The following RAD51B variants were observed in gnomAD, a reference collection of about 807,000 sequenced individuals.
The protein encoded by RAD51B is DNA repair protein RAD51 homolog 2.
A neutral mutation model predicts 42.2 loss-of-function variants in RAD51B; 38 were observed. The ratio of observed to expected loss-of-function variants is 0.90; its 90% CI spans 0.70 to 1.18. The LOEUF (loss-of-function observed/expected upper bound fraction) is 1.18. Ranked by LOEUF, RAD51B falls within the 50% of genes most tolerant of loss-of-function variation. RAD51B has a pLI of 0.00. For synonymous variants in RAD51B, 154 were observed against 145.2 expected (o/e 1.06, Z -0.43); for missense variants, 373 against 400.7 (o/e 0.93, Z 0.59).
At chr14:68,208,000 T>C (rs1267828539) in intron 7 of RAD51B, among the ~76,000 whole-genome samples, 1 of 152,228 alleles carries the variant, frequency 6.6e-6, no homozygotes, top group Non-Finnish European at 1.5e-5. Flanking sequence ...AAGCAAGTTA[T>C]ACTGTGTGTA....
At chr14:68,399,206 C>G (rs866543248) in intron 8 of RAD51B, among the ~76,000 whole-genome samples, 2 of 151,568 alleles carry the variant, frequency 1.3e-5, no homozygotes, top group South Asian at 4.2e-4. Context: ...CAGAAAAGTT[C>G]CAAGAAAAGT....
At chr14:68,402,290 G>T (rs1217799308) in intron 8 of RAD51B, among the ~76,000 whole-genome samples, 1 of 152,118 alleles carries the variant, frequency 6.6e-6, no homozygotes, top group Non-Finnish European at 1.5e-5. Context: ...CTAAAATTCT[G>T]CATTGAATGG....
At chr14:68,580,279 G>T (rs928001600) in intron 10 of RAD51B, among the ~76,000 whole-genome samples, 7 of 152,180 alleles carry the variant, frequency 4.6e-5, no homozygotes, top group African/African-American at 1.7e-4. Context: ...TTCGCCTCCT[G>T]CTTGCCCTGC....
At chr14:67,960,451 T>A (rs936271309) in intron 7 of RAD51B, among the ~76,000 whole-genome samples, 5 of 152,196 alleles carry the variant, frequency 3.3e-5, no homozygotes, top group African/African-American at 1.2e-4. Context: ...GAGCCTATAG[T>A]TTTTATCTTT....
chr14:68,106,964 G>T (rs1382964750), intron 7 of RAD51B, among the ~76,000 whole-genome samples: 1 of 151,814 alleles, frequency 6.6e-6, no homozygotes, highest in Non-Finnish European at 1.5e-5. Flanking sequence ...TGAGAAAACT[G>T]AGGCTACAGA....
intron 7 of RAD51B, among the ~76,000 whole-genome samples, chr14:68,224,524 A>G (rs779572101): frequency 1.1e-4 from 17 of 152,152 alleles, no homozygotes; most frequent in Non-Finnish European, 2.1e-4. Context: ...TCGGGTTCAT[A>G]TTATTATGAT....
intron 7 of RAD51B, among the ~76,000 whole-genome samples, chr14:67,940,036 A>ATATATATATATATG (rs1566969126): frequency 1.1e-4 from 1 of 8,934 alleles, no homozygotes; most frequent in African/African-American, 2.3e-4. Flanking sequence ...ATATATATAT[A>ATATATATATATATG]TATATATATA....
At chr14:68,109,247 TG>T (rs1261520659) in intron 7 of RAD51B, among the ~76,000 whole-genome samples, 1 of 151,636 alleles carries the variant, frequency 6.6e-6, no homozygotes, top group Non-Finnish European at 1.5e-5. Flanking sequence ...GTCTTGGGGG[TG>T]GGGTCAGTAT....
chr14:68,167,506 C>T (rs1227809940), intron 7 of RAD51B, among the ~76,000 whole-genome samples: 1 of 152,040 alleles, frequency 6.6e-6, no homozygotes, highest in Non-Finnish European at 1.5e-5. Context: ...TTTCAACGTC[C>T]AGCTCAGTGG....
In RAD51B at chr14:68,327,388, T is replaced by G. The variant is rs530551031; in HGVS notation, c.853+35408T>G. Among the ~76,000 whole-genome samples, 405 of 151,460 alleles carry G rather than the reference T, an allele frequency of 2.7e-3. 2 individuals carry two copies. Among genetic ancestry groups the G allele is most frequent in the African/African-American group, 9.4e-3 (386 of 41,186 alleles). On this transcript the variant is annotated intron_variant, in intron 8 of 10. Coordinates refer to ENST00000471583, the MANE Select transcript of RAD51B (RefSeq NM_133510.4). The stretch of plus-strand genomic sequence containing the variant: ...CAGTTTGTTTTTTTTTGTTGTTTTT[T>G]TTTTTTTAACAAAGAGTTGTTCCAT...
intron 7 of RAD51B, among the ~76,000 whole-genome samples, chr14:68,066,510 G>A (rs2076652360): frequency 6.6e-6 from 1 of 152,088 alleles, no homozygotes; most frequent in Admixed American, 6.6e-5. Flanking sequence ...AATTTGTAAT[G>A]GCATGAGGAA....
chr14:68,030,069 G>C (rs2076018107), intron 7 of RAD51B, among the ~76,000 whole-genome samples: 1 of 152,202 alleles, frequency 6.6e-6, no homozygotes. Context: ...GTAACCAGAG[G>C]TGCTGTGATC....
intron 7 of RAD51B, among the ~76,000 whole-genome samples, chr14:68,163,830 A>C (rs761221915): frequency 3.3e-5 from 5 of 152,212 alleles, no homozygotes; most frequent in Non-Finnish European, 7.3e-5. Context: ...CTGATCTTCA[A>C]ATCACCCAAG....
At chr14:67,859,257 C>G (rs2139971177) in intron 4 of RAD51B, among the ~76,000 whole-genome samples, 1 of 152,142 alleles carries the variant, frequency 6.6e-6, no homozygotes, top group Non-Finnish European at 1.5e-5. Context: ...ATGGATTTAA[C>G]AAAATCAAAG....
At chr14:68,073,063 C>A (rs939608729) in intron 7 of RAD51B, among the ~76,000 whole-genome samples, 13 of 152,090 alleles carry the variant, frequency 8.5e-5, no homozygotes, top group African/African-American at 2.9e-4. Context: ...GGTCAACTGT[C>A]AAGTTTAAGT....
chr14:68,602,339 C>G (rs1314459431), intron 10 of RAD51B, among the ~76,000 whole-genome samples: 2 of 152,066 alleles, frequency 1.3e-5, no homozygotes, highest in African/African-American at 4.8e-5. Flanking sequence ...AGCATCCTGA[C>G]TGGCCCAGCT....
At chr14:68,650,883 A>G in intron 11 of RAD51B, 1 of 734,258 alleles carries the variant, frequency 1.4e-6, no homozygotes, top group South Asian at 1.4e-5. Context: ...ATTCTCCCTC[A>G]CAACAGGGAA....
chr14:68,073,494 T>C (rs944092814), intron 7 of RAD51B, among the ~76,000 whole-genome samples: 1 of 152,186 alleles, frequency 6.6e-6, no homozygotes, highest in African/African-American at 2.4e-5. Flanking sequence ...CTTTGTGCCT[T>C]TTAGGTGGGA....
chr14:67,827,520 G>T (rs1469325575), intron 3 of RAD51B, among the ~76,000 whole-genome samples: 1 of 151,800 alleles, frequency 6.6e-6, no homozygotes, highest in Admixed American at 6.6e-5. Flanking sequence ...AGGATGTGCA[G>T]GTTTGTTACA....
Sources: allele counts gnomAD v4.1 joint callset (sites outside exome capture counted in the v4.1 genomes callset), GRCh38; gene constraint gnomAD v4.1.1; transcripts MANE v1.5; gene names NCBI Gene and HGNC (gene_info 2026-07-23, HGNC 2026-07-21).